The following UTRN variants were observed in gnomAD, a reference collection of about 807,000 sequenced individuals.
UTRN encodes utrophin.
In UTRN, 283 loss-of-function variants were observed where a neutral mutation model predicts 463.9. That is an observed-to-expected ratio of 0.61 (90% CI 0.55 to 0.67). The LOEUF is 0.67. Among genes scored for constraint, UTRN ranks in the 30% least tolerant of loss-of-function variants. The pLI is 0.00. For synonymous variants in UTRN, 1,442 were observed against 1,431.5 expected, an observed-to-expected ratio of 1.01 and a Z score of -0.17; for missense variants, 3,922 against 4,084.3, an observed-to-expected ratio of 0.96 and a Z score of 1.08.
intron 3 of UTRN, among the ~76,000 whole-genome samples, chr6:144,403,567 C>T (rs1783113404): frequency 6.6e-6 from 1 of 152,162 alleles, no homozygotes; most frequent in Non-Finnish European, 1.5e-5. Context: ...TTCAGGCAGT[C>T]TTTCTACCCT....
intron 39 of UTRN, among the ~76,000 whole-genome samples, chr6:144,518,951 G>A (rs1220846894): frequency 6.6e-6 from 1 of 152,000 alleles, no homozygotes; most frequent in Non-Finnish European, 1.5e-5. Flanking sequence ...TCCTGAAACA[G>A]GTAAATCAGA....
chr6:144,809,754 C>T (rs982236691), intron 65 of UTRN, among the ~76,000 whole-genome samples: 3 of 151,902 alleles, frequency 2.0e-5, no homozygotes, highest in Non-Finnish European at 2.9e-5. Flanking sequence ...CCCTGTCTGG[C>T]GTTGTGCCAT....
chr6:144,748,287 A>G lies in UTRN; in HGVS notation c.7981A>G (p.Met2661Val). ...GAGAGCCCAAAAGATTGCCAAAGCC[A>G]TGCGCAAACAGTCTTCTGAAGTCAA... is the stretch of plus-strand genomic sequence containing the variant. Reference protein sequence around the residue: ...EERAQKIAKAMRKQSSEVKEK... With the variant: ...EERAQKIAKAVRKQSSEVKEK... The change falls in exon 55 of 75, where the codon ATG (methionine) becomes GTG (valine). Residue 2661 changes from methionine to valine, a missense_variant. This residue lies in a region of UTRN where 1,309 missense variants were observed against 1,452.6 expected (regional missense o/e 0.90). Coordinates refer to ENST00000367545, the MANE Select transcript of UTRN (RefSeq NM_007124.3). 1 of 1,612,996 alleles carries G rather than the reference A, an allele frequency of 6.2e-7. No homozygotes were observed. The highest frequency in any genetic ancestry group is 8.5e-7 in the Non-Finnish European group (1 of 1,179,866).
intron 54 of UTRN, among the ~76,000 whole-genome samples, chr6:144,741,062 ATTG>A (rs375985659): frequency 4.6e-5 from 7 of 152,320 alleles, no homozygotes; most frequent in Middle Eastern, 3.4e-3. Flanking sequence ...ATGTTTTGTG[ATTG>A]TTGTTGTTCT....
At chr6:144,632,935 G>A (rs1776689897) in intron 51 of UTRN, among the ~76,000 whole-genome samples, 1 of 151,858 alleles carries the variant, frequency 6.6e-6, no homozygotes, top group Non-Finnish European at 1.5e-5. Context: ...TGGTCAGGCT[G>A]GTCTTGAACT....
intron 65 of UTRN, among the ~76,000 whole-genome samples, 199 bp from the exon 66 acceptor site, chr6:144,820,683 T>C (rs1458685842): frequency 2.6e-5 from 4 of 152,230 alleles, no homozygotes; most frequent in African/African-American, 9.6e-5. Context: ...TGAAAAAGTA[T>C]AAACATATCA....
chr6:144,487,237 C>T (rs1047301855), intron 28 of UTRN, among the ~76,000 whole-genome samples: 15 of 152,198 alleles, frequency 9.9e-5, no homozygotes, highest in Non-Finnish European at 1.9e-4. Context: ...GGTATGACAG[C>T]TCACTGCAGC....
chr6:144,563,499 G>A (rs1384288019), intron 50 of UTRN, among the ~76,000 whole-genome samples: 2 of 152,152 alleles, frequency 1.3e-5, no homozygotes, highest in Non-Finnish European at 2.9e-5. Context: ...AATGAATGCT[G>A]TAGCAGCTGT....
intron 52 of UTRN, among the ~76,000 whole-genome samples, chr6:144,681,869 T>C (rs1330625387): frequency 6.6e-6 from 1 of 152,176 alleles, no homozygotes; most frequent in East Asian, 1.9e-4. Context: ...ATAGTAGGTG[T>C]ATATATTTAT....
chr6:144,470,626 G>T (rs1790490308), intron 23 of UTRN, among the ~76,000 whole-genome samples: 1 of 152,130 alleles, frequency 6.6e-6, no homozygotes, highest in Admixed American at 6.5e-5. Flanking sequence ...AGACGGGGTG[G>T]CGGCCGGGCA....
intron 32 of UTRN, among the ~76,000 whole-genome samples, 200 bp downstream of exon 32, chr6:144,491,302 G>A (rs923553412): frequency 6.6e-6 from 1 of 152,144 alleles, no homozygotes; most frequent in Non-Finnish European, 1.5e-5. Flanking sequence ...AAGAGAGATA[G>A]CTAAGGAAAC....
At chr6:144,564,564 T>C (rs138701647) in intron 50 of UTRN, among the ~76,000 whole-genome samples, 1 of 152,198 alleles carries the variant, frequency 6.6e-6, no homozygotes, top group African/African-American at 2.4e-5. Flanking sequence ...TTAACTGACT[T>C]ATAGTTCAGC....
chr6:144,330,190 C>T (rs73591121), intron 2 of UTRN, among the ~76,000 whole-genome samples: 2,311 of 152,250 alleles, frequency 0.015, 66 homozygotes, highest in African/African-American at 0.053. Context: ...GAGCTGTGTG[C>T]AGGCTCTAAG....
chr6:144,481,901 A>T (rs1791916885), intron 26 of UTRN, among the ~76,000 whole-genome samples: 1 of 152,242 alleles, frequency 6.6e-6, no homozygotes, highest in African/African-American at 2.4e-5. Flanking sequence ...CGACTAAAAA[A>T]TATGAAAATT....
At chr6:144,714,242 C>T (rs1490958623) in intron 53 of UTRN, among the ~76,000 whole-genome samples, 1 of 152,090 alleles carries the variant, frequency 6.6e-6, no homozygotes, top group Non-Finnish European at 1.5e-5. Context: ...CCCTTTTTTG[C>T]TGTCATTCTG....
chr6:144,557,971 TA>T, intron 50 of UTRN, among the ~76,000 whole-genome samples: 1 of 152,232 alleles, frequency 6.6e-6, no homozygotes, highest in East Asian at 1.9e-4. Flanking sequence ...TCATCATTAG[TA>T]AAAAAAGATG....
At chr6:144,700,329 T>C (rs1784451594) in intron 53 of UTRN, 86 bp downstream of exon 53, 1 of 1,417,658 alleles carries the variant, frequency 7.1e-7, no homozygotes. Flanking sequence ...AGTATCAGAG[T>C]TGAACCAATT....
intron 54 of UTRN, among the ~76,000 whole-genome samples, 197 bp downstream of exon 54, chr6:144,730,683 C>G (rs1234303546): frequency 6.6e-6 from 1 of 151,656 alleles, no homozygotes. Flanking sequence ...TTTTTGTATA[C>G]CTCAATATCA....
At chr6:144,839,323 C>A in intron 72 of UTRN, 39 bp downstream of exon 72, 1 of 1,513,298 alleles carries the variant, frequency 6.6e-7, no homozygotes, top group Non-Finnish European at 9.1e-7. Context: ...GCTGAGTCTG[C>A]TTTGTGCTTT....
Sources: gnomAD v4.1 joint callset for allele counts (sites outside exome capture counted in the v4.1 genomes callset) on GRCh38, gnomAD v4.1.1 for gene constraint, gnomAD v4.1.1 regional missense constraint, MANE v1.5 for transcripts, NCBI Gene and HGNC (gene_info 2026-07-23, HGNC 2026-07-21) for gene names.